NAV2: variants seen among roughly 807,000 people sequenced by gnomAD.
The protein encoded by NAV2 is helicase, APC down-regulated 1.
NAV2 carries 54 observed loss-of-function variants against 223.2 expected under a neutral mutation model. The observed-to-expected ratio is 0.24, with a 90% CI of 0.19 to 0.30. NAV2 has a LOEUF of 0.30. Ranked by LOEUF, NAV2 falls within the 10% of genes least tolerant of loss-of-function variation. The pLI, the probability that NAV2 is intolerant of heterozygous loss-of-function variation, is 1.00. For missense variants in NAV2, 2,806 were observed against 3,147.5 expected (o/e 0.89, Z 2.60); for synonymous variants, 1,279 against 1,239.3 (o/e 1.03, Z -0.67).
intron 1 of NAV2, among the ~76,000 whole-genome samples, chr11:19,605,960 G>C (rs1187302410): frequency 1.3e-5 from 2 of 152,202 alleles, no homozygotes; most frequent in Admixed American, 1.3e-4. Context: ...AAATCCAGGG[G>C]CCTGTGGAAT....
intron 1 of NAV2, among the ~76,000 whole-genome samples, chr11:19,401,721 T>C (rs1216678201): frequency 6.6e-6 from 1 of 152,232 alleles, no homozygotes; most frequent in Non-Finnish European, 1.5e-5. Flanking sequence ...GCATGTGGCA[T>C]ATTCCATACA....
intron 1 of NAV2, among the ~76,000 whole-genome samples, chr11:19,755,012 A>G (rs2054125113): frequency 6.6e-6 from 1 of 152,140 alleles, no homozygotes; most frequent in South Asian, 2.1e-4. Flanking sequence ...CTTGCAAACT[A>G]CAGATCCATT....
intron 1 of NAV2, among the ~76,000 whole-genome samples, chr11:19,630,408 A>T (rs1000886765): frequency 1.3e-5 from 2 of 152,186 alleles, no homozygotes; most frequent in African/African-American, 4.8e-5. Flanking sequence ...AAGGAGTTGA[A>T]CAAAGACAGT....
At chr11:19,592,224 A>G (rs940944614) in intron 1 of NAV2, among the ~76,000 whole-genome samples, 1 of 151,970 alleles carries the variant, frequency 6.6e-6, no homozygotes, top group African/African-American at 2.4e-5. Context: ...CTGGTCACAT[A>G]CCAGCTGCTT....
chr11:19,939,587 G>T (rs899189413), intron 7 of NAV2, 74 bp from the exon 8 acceptor site: 1 of 1,161,636 alleles, frequency 8.6e-7, no homozygotes, highest in Non-Finnish European at 1.3e-6. Flanking sequence ...TGAGGGCTGT[G>T]GTTAGACCAC....
intron 10 of NAV2, among the ~76,000 whole-genome samples, chr11:19,958,717 G>C (rs947111850): frequency 1.3e-5 from 2 of 152,232 alleles, no homozygotes; most frequent in African/African-American, 4.8e-5. Flanking sequence ...GTCACTACCA[G>C]CAGCAGCGGT....
chr11:19,489,884 G>T (rs962437119), intron 1 of NAV2, among the ~76,000 whole-genome samples: 6 of 152,064 alleles, frequency 3.9e-5, no homozygotes, highest in Admixed American at 1.3e-4. Context: ...CACAGTCCCA[G>T]AACCCCAATA....
At position 19,507,628 on chromosome 11, in the gene NAV2, A is replaced by C. The variant is rs535670354; in HGVS notation, c.75+156601A>C. 2.0e-5 allele frequency among the ~76,000 whole-genome samples: 3 copies of C among 152,322 alleles called. No homozygotes were observed. In the South Asian group the frequency reaches 6.2e-4, roughly 32 times the overall value. On this transcript the variant is annotated intron_variant, in intron 1 of 37. Coordinates refer to the NAV2 transcript ENST00000360655. ...CAAAGTTGGAGGAACATTGAAAATA[A>C]AGGATGTGAAATGCTTAGCTCAGTT...
At chr11:19,821,768 C>G (rs2059393211) in intron 1 of NAV2, among the ~76,000 whole-genome samples, 1 of 152,190 alleles carries the variant, frequency 6.6e-6, no homozygotes, top group Non-Finnish European at 1.5e-5. Flanking sequence ...TGACAAGTGG[C>G]CAGCCCTGTT....
At chr11:19,571,706 CAAAAAAGAAAAAA>C (rs2045430075) in intron 1 of NAV2, among the ~76,000 whole-genome samples, 1 of 139,998 alleles carries the variant, frequency 7.1e-6, no homozygotes, top group African/African-American at 2.6e-5. Context: ...GACTCCATCT[CAAAAAAGAAAAAA>C]AAAAAAGAAA....
In NAV2 at chr11:19,707,329, C is replaced by T. The variant is rs115217841; in HGVS notation, c.76-125155C>T. Among the ~76,000 whole-genome samples, 599 of 152,278 alleles carry T rather than the reference C, an allele frequency of 3.9e-3. 2 individuals are homozygous for T. The highest frequency in any genetic ancestry group is 0.013 in the African/African-American group (541 of 41,570). Reference sequence around the variant, plus strand: ...TCTTGAAATAACACTTAGCTTAAAACGCAAACACATTGTACAGCTATACAA... The same window carrying T: ...TCTTGAAATAACACTTAGCTTAAAATGCAAACACATTGTACAGCTATACAA... On this transcript the variant is annotated intron_variant, in intron 1 of 37. Coordinates refer to the NAV2 transcript ENST00000360655.
chr11:19,620,075 T>A (rs1307284623), intron 1 of NAV2, among the ~76,000 whole-genome samples: 1 of 152,184 alleles, frequency 6.6e-6, no homozygotes, highest in East Asian at 1.9e-4. Context: ...GTTGTAGATG[T>A]GTGATATTAT....
At chr11:19,686,892 A>G (rs149101649) in intron 1 of NAV2, among the ~76,000 whole-genome samples, 1 of 152,254 alleles carries the variant, frequency 6.6e-6, no homozygotes, top group Admixed American at 6.5e-5. Flanking sequence ...TAAACCCTTC[A>G]TATGCAGTAC....
At chr11:19,585,518 G>A (rs936830569) in intron 1 of NAV2, among the ~76,000 whole-genome samples, 5 of 152,248 alleles carry the variant, frequency 3.3e-5, no homozygotes, top group East Asian at 3.9e-4. Flanking sequence ...GGCTGGTACC[G>A]GTTGTTCCTT....
At chr11:19,900,735 A>G (rs1428717038) in intron 6 of NAV2, among the ~76,000 whole-genome samples, 2 of 152,308 alleles carry the variant, frequency 1.3e-5, no homozygotes, top group Non-Finnish European at 2.9e-5. Context: ...TTTATACCTC[A>G]TTTATGGTTT....
intron 1 of NAV2, among the ~76,000 whole-genome samples, chr11:19,485,976 T>C (rs754183898): frequency 6.6e-6 from 1 of 152,104 alleles, no homozygotes; most frequent in Non-Finnish European, 1.5e-5. Flanking sequence ...AAGAGCCTCC[T>C]CCACCATGCA....
intron 1 of NAV2, among the ~76,000 whole-genome samples, chr11:19,547,159 C>T (rs747661): frequency 0.12 from 18,741 of 152,152 alleles, 1,303 homozygotes; most frequent in East Asian, 0.19. Context: ...ACATTGATGG[C>T]CCCACTGGAA....
intron 1 of NAV2, among the ~76,000 whole-genome samples, chr11:19,385,511 A>G (rs570196353): frequency 1.3e-5 from 2 of 152,252 alleles, no homozygotes; most frequent in East Asian, 1.9e-4. Flanking sequence ...TTCAAAATAC[A>G]CCTGACAACT....
At chr11:19,682,272 T>C (rs2048901262) in intron 1 of NAV2, among the ~76,000 whole-genome samples, 2 of 152,214 alleles carry the variant, frequency 1.3e-5, no homozygotes, top group South Asian at 4.1e-4. Context: ...TCCACATGCT[T>C]GGTATGTGCT....
Sources: gnomAD v4.1 joint callset for allele counts (sites outside exome capture counted in the v4.1 genomes callset) on GRCh38, gnomAD v4.1.1 for gene constraint, MANE v1.5 for transcripts, NCBI Gene and HGNC (gene_info 2026-07-23, HGNC 2026-07-21) for gene names.